Variants in SOX5 observed in about 807,000 individuals in gnomAD.
The protein encoded by SOX5 is SRY-box transcription factor 5.
A neutral mutation model predicts 92.0 loss-of-function variants in SOX5; 9 were observed. The ratio of observed to expected loss-of-function variants is 0.10; its 90% CI spans 0.06 to 0.17. The LOEUF is 0.17. Among genes scored for constraint, SOX5 ranks in the 10% least tolerant of loss-of-function variants. The probability of loss-of-function intolerance (pLI) is 1.00; values close to 1 mark genes in which losing one functional copy is unlikely to be tolerated. For synonymous variants in SOX5, 344 were observed against 336.3 expected (o/e 1.02, Z -0.25); for missense variants, 642 against 944.5 (o/e 0.68, Z 4.20).
intron 1 of SOX5, among the ~76,000 whole-genome samples, chr12:24,556,705 T>C (rs1395984108): frequency 6.6e-6 from 1 of 152,240 alleles, no homozygotes; most frequent in African/African-American, 2.4e-5. Context: ...TTACCTATTA[T>C]GTAGGGTAAA....
intron 3 of SOX5, among the ~76,000 whole-genome samples, chr12:24,223,993 G>C (rs1427415128): frequency 6.6e-6 from 1 of 152,156 alleles, no homozygotes; most frequent in Non-Finnish European, 1.5e-5. Flanking sequence ...ATGCAAAGGT[G>C]GTCGCATGAA....
intron 1 of SOX5, among the ~76,000 whole-genome samples, chr12:23,897,224 A>G (rs1034956570): frequency 6.6e-6 from 1 of 152,100 alleles, no homozygotes; most frequent in African/African-American, 2.4e-5. Context: ...CATATAGATC[A>G]CTGATTTTTA....
rs1963907918 is a variant in SOX5 at position 24,233,838 on chromosome 12, A to T, written c.-76-20421T>A. 2.0e-5 allele frequency among the ~76,000 whole-genome samples: 3 copies of T among 152,256 alleles called. No homozygotes were observed. The South Asian group carries it at 6.2e-4, about 31-fold the overall frequency. On this transcript the variant is annotated intron_variant, in intron 3 of 4. Transcript: ENST00000446891. ...GATCCCAGGAGAGAACAAGCTGGATAATAGAATCATGTGTCTTCAACATGC... is the reference window on the plus strand; with the variant it reads ...GATCCCAGGAGAGAACAAGCTGGATTATAGAATCATGTGTCTTCAACATGC...
chr12:24,195,800 GATTA>G (rs960537146), intron 4 of SOX5, among the ~76,000 whole-genome samples: 4 of 152,082 alleles, frequency 2.6e-5, no homozygotes, highest in Non-Finnish European at 4.4e-5. Context: ...TGATGTTAAG[GATTA>G]ATTAAGAACA....
chr12:23,674,336 A>ATTTTTTTTTTTTTTT (rs34975795), intron 6 of SOX5, among the ~76,000 whole-genome samples: 1,013 of 97,280 alleles, frequency 0.01, 52 homozygotes, highest in Non-Finnish European at 0.012. Context: ...ATAAAAAGGA[A>ATTTTTTTTTTTTTTT]TTTTTTTTTT....
intron 3 of SOX5, among the ~76,000 whole-genome samples, chr12:23,808,449 T>C (rs1278635346): frequency 6.6e-6 from 1 of 152,110 alleles, no homozygotes; most frequent in Non-Finnish European, 1.5e-5. Context: ...GATGGTTCAT[T>C]TAAGATTTAA....
intron 2 of SOX5, among the ~76,000 whole-genome samples, chr12:24,320,873 AT>A (rs201360922): frequency 0.032 from 3,095 of 95,800 alleles, 63 homozygotes; most frequent in African/African-American, 0.043. Flanking sequence ...TCAAAAAAAA[AT>A]AATAATAATA....
At chr12:24,513,921 G>T (rs1331750947) in intron 1 of SOX5, among the ~76,000 whole-genome samples, 1 of 152,174 alleles carries the variant, frequency 6.6e-6, no homozygotes, top group Admixed American at 6.5e-5. Context: ...CCTTTCCACT[G>T]CTAGACAGCT....
intron 2 of SOX5, among the ~76,000 whole-genome samples, chr12:24,285,595 A>G (rs1945768796): frequency 6.6e-6 from 1 of 152,224 alleles, no homozygotes; most frequent in South Asian, 2.1e-4. Flanking sequence ...TATTTTAAGG[A>G]GGTAGCTCAG....
At chr12:24,110,307 T>C (rs535934952) in intron 4 of SOX5, among the ~76,000 whole-genome samples, 2 of 152,276 alleles carry the variant, frequency 1.3e-5, no homozygotes, top group South Asian at 4.1e-4. Context: ...CATTACAAAA[T>C]CATAGAGAAC....
At chr12:24,501,376 CAAA>C (rs200917193) in intron 1 of SOX5, among the ~76,000 whole-genome samples, 9 of 102,106 alleles carry the variant, frequency 8.8e-5, no homozygotes, top group Non-Finnish European at 1.1e-4. Flanking sequence ...AGATCCAGTG[CAAA>C]AAAAAAAAAA....
chr12:24,461,064 T>A (rs1393832061), intron 1 of SOX5, among the ~76,000 whole-genome samples: 1 of 152,192 alleles, frequency 6.6e-6, no homozygotes, highest in Non-Finnish European at 1.5e-5. Context: ...TGTCACATAT[T>A]TATGTATGTT....
At chr12:23,553,384 G>A (rs929841936) in intron 11 of SOX5, among the ~76,000 whole-genome samples, 1 of 151,850 alleles carries the variant, frequency 6.6e-6, no homozygotes, top group Non-Finnish European at 1.5e-5. Flanking sequence ...CCTATGGCCC[G>A]GATGTGTAAT....
intron 6 of SOX5, among the ~76,000 whole-genome samples, chr12:23,704,834 T>C (rs2091184353): frequency 6.6e-6 from 1 of 151,108 alleles, no homozygotes; most frequent in Non-Finnish European, 1.5e-5. Flanking sequence ...TACACACTTG[T>C]AAAGAATTAA....
At chr12:23,918,606 T>C (rs941982752) in intron 1 of SOX5, among the ~76,000 whole-genome samples, 1 of 152,230 alleles carries the variant, frequency 6.6e-6, no homozygotes, top group East Asian at 1.9e-4. Flanking sequence ...ATATTTTACC[T>C]GCCTATATTT....
intron 2 of SOX5, among the ~76,000 whole-genome samples, chr12:24,349,393 A>G (rs1386644432): frequency 6.6e-6 from 1 of 152,136 alleles, no homozygotes; most frequent in Non-Finnish European, 1.5e-5. Flanking sequence ...TCATCCTTCA[A>G]AACTGAAGGT....
chr12:24,192,223 C>T (rs556023030), intron 4 of SOX5, among the ~76,000 whole-genome samples: 4 of 152,214 alleles, frequency 2.6e-5, no homozygotes, highest in Non-Finnish European at 4.4e-5. Context: ...ACAGTTCTTC[C>T]GACTCATGGG....
At chr12:23,893,263 T>C (rs2097146331) in intron 2 of SOX5, among the ~76,000 whole-genome samples, 1 of 152,088 alleles carries the variant, frequency 6.6e-6, no homozygotes, top group Admixed American at 6.5e-5. Flanking sequence ...CTGGCCAACA[T>C]GGTGAAACCC....
intron 3 of SOX5, among the ~76,000 whole-genome samples, chr12:24,261,284 T>C (rs915058180): frequency 6.6e-6 from 1 of 152,166 alleles, no homozygotes; most frequent in Non-Finnish European, 1.5e-5. Flanking sequence ...GCAGAAAAGG[T>C]AGCTGATGGA....
Sources: allele counts gnomAD v4.1 joint callset (sites outside exome capture counted in the v4.1 genomes callset), GRCh38; gene constraint gnomAD v4.1.1; transcripts MANE v1.5; gene names NCBI Gene and HGNC (gene_info 2026-07-23, HGNC 2026-07-21).